Variants in AK9 observed in about 807,000 individuals in gnomAD.
AK9 encodes adenylate kinase 9.
In AK9, 191 loss-of-function variants were observed where a neutral mutation model predicts 239.6. That is an observed-to-expected ratio of 0.80 (90% confidence interval 0.71 to 0.90). The LOEUF (loss-of-function observed/expected upper bound fraction) is 0.90, where lower values mean the gene tolerates loss of function less well. AK9 is among the 40% of genes least tolerant of loss of function. AK9 has a pLI of 0.00. For missense variants in AK9, 1,995 were observed against 2,214.7 expected (o/e 0.90, Z 1.99); for synonymous variants, 689 against 721.0 (o/e 0.96, Z 0.71).
chr6:109,564,910 G>A (rs1275602544), intron 21 of AK9, 65 bp from the exon 22 acceptor site: 35 of 1,253,886 alleles, frequency 2.8e-5, no homozygotes, highest in Non-Finnish European at 3.7e-5. Flanking sequence ...TGAAAGTTTT[G>A]GCACAAAGAA....
chr6:109,506,015 C>G (rs73762764), intron 35 of AK9, among the ~76,000 whole-genome samples: 78 of 152,210 alleles, frequency 5.1e-4, no homozygotes, highest in African/African-American at 1.8e-3. Context: ...CAAGCCTCTT[C>G]TATAAGGGCA....
At chr6:109,558,700 T>C (rs1785319994) in intron 24 of AK9, among the ~76,000 whole-genome samples, 1 of 152,194 alleles carries the variant, frequency 6.6e-6, no homozygotes, top group South Asian at 2.1e-4. Flanking sequence ...TTGTTTTCAT[T>C]ATTTTAAGTA....
At position 109,564,197 on chromosome 6, in the gene AK9, T is replaced by C. The variant is rs1290391017; in HGVS notation, c.2518A>G (p.Ile840Val). Reference sequence around the variant, plus strand: ...GTTGCTTCTAGCTGTTTCCAGAGGATGATGAAAGAACCAATCTTCTCTTTA... The same window carrying C: ...GTTGCTTCTAGCTGTTTCCAGAGGACGATGAAAGAACCAATCTTCTCTTTA... ...PFKEKIGSFI[I>V]LWKQLEATIS... Residue 840 changes from isoleucine to valine, a missense_variant, in exon 23 of 41, where the codon ATC becomes GTC. Physicochemically the swap from Ile to Val is conservative, Grantham distance 29. Coordinates refer to ENST00000424296, the MANE Select transcript of AK9 (RefSeq NM_001145128.3). 6.4e-7 allele frequency: 1 copy of C among 1,551,442 alleles called. No homozygotes were observed. The highest frequency in any genetic ancestry group is 8.7e-7 in the Non-Finnish European group (1 of 1,146,870).
intron 25 of AK9, among the ~76,000 whole-genome samples, chr6:109,546,420 T>C (rs1330424547): frequency 6.6e-6 from 1 of 152,234 alleles, no homozygotes; most frequent in Non-Finnish European, 1.5e-5. Flanking sequence ...TGACAAAAGT[T>C]TTAGTTAATA....
chr6:109,569,626 AAC>A (rs1180372247), intron 21 of AK9, among the ~76,000 whole-genome samples: 1 of 152,226 alleles, frequency 6.6e-6, no homozygotes, highest in Non-Finnish European at 1.5e-5. Context: ...AAAGGATATG[AAC>A]AGACACTTCT....
Position 109,564,250 on chromosome 6 carries a change from T to G in AK9, c.2465A>C (p.Tyr822Ser). The G allele has an allele frequency of 6.4e-7, 1 of 1,550,922 alleles. No homozygotes were observed. The highest frequency in any genetic ancestry group is 1.2e-5 in the South Asian group (1 of 83,904). The change falls in exon 23 of 41, where the codon TAT becomes TCT. Residue 822 changes from tyrosine (Y) to serine (S), a missense_variant. By Grantham distance (144) the Tyr-to-Ser change is moderately radical. Coordinates refer to ENST00000424296, the MANE Select transcript of AK9 (RefSeq NM_001145128.3). ...TGGCTCCATTTCGGGAACATCAGGATAAGAGTCTTCTGGAAACTCAGGTAG... is the reference window on the plus strand; with the variant it reads ...TGGCTCCATTTCGGGAACATCAGGAGAAGAGTCTTCTGGAAACTCAGGTAG... ...VVLPEFPEDS[Y>S]PDVPEMEPFK...
intron 25 of AK9, among the ~76,000 whole-genome samples, chr6:109,547,707 AC>A (rs1349465087): frequency 2.0e-5 from 3 of 152,124 alleles, no homozygotes; most frequent in Non-Finnish European, 2.9e-5. Context: ...GATTACATTA[AC>A]CTAAAAAAAC....
intron 1 of AK9, among the ~76,000 whole-genome samples, chr6:109,686,888 T>G (rs1562618644): frequency 6.6e-6 from 1 of 152,138 alleles, no homozygotes; most frequent in Non-Finnish European, 1.5e-5. Flanking sequence ...ATGATAAAAA[T>G]GGAACAATGG....
chr6:109,639,131 T>TA (rs1430592696), intron 10 of AK9, among the ~76,000 whole-genome samples: 1 of 152,240 alleles, frequency 6.6e-6, no homozygotes, highest in Non-Finnish European at 1.5e-5. Context: ...TGTGTCCTTA[T>TA]AGTAGCCTGA....
chr6:109,602,948 T>C (rs140487700), intron 17 of AK9, among the ~76,000 whole-genome samples: 2,241 of 152,298 alleles, frequency 0.015, 59 homozygotes, highest in African/African-American at 0.051. Flanking sequence ...CTTCTCTGCA[T>C]TGGTTATTCT....
chr6:109,537,854 T>C (rs957114306), intron 27 of AK9, among the ~76,000 whole-genome samples: 25 of 152,268 alleles, frequency 1.6e-4, no homozygotes, highest in African/African-American at 6.0e-4. Context: ...GCTTTCATTT[T>C]GTTATGTACC....
In AK9 at chr6:109,528,995, A is replaced by C; in HGVS notation, c.3633+16T>G. The C allele has an allele frequency of 8.0e-7, 1 of 1,256,064 alleles. No individual in the cohort carries two copies. Among genetic ancestry groups the C allele is most frequent in the Non-Finnish European group, 1.1e-6 (1 of 915,604 alleles). 77.8% of individuals were successfully genotyped at this position (1,256,064 alleles called of 1,614,324 possible). On this transcript the variant is annotated intron_variant, in intron 29 of 40. Transcript: ENST00000424296. ...GAGTGAGACCCTGTTTTGAAAAAAAAAACAAAACTACTTACCTCCCTCCTT... is the reference window on the plus strand; with the variant it reads ...GAGTGAGACCCTGTTTTGAAAAAAACAACAAAACTACTTACCTCCCTCCTT...
chr6:109,578,847 G>GTTTTGAGTGTTCCT (rs6149744), intron 20 of AK9, among the ~76,000 whole-genome samples: 86,639 of 151,920 alleles, frequency 0.57, 26,761 homozygotes, highest in South Asian at 0.84. Context: ...TATTCGTATA[G>GTTTTGAGTGTTCCT]TTTGGAATTT....
At position 109,499,185 on chromosome 6, in the gene AK9, G is replaced by A. The variant is rs914720842; in HGVS notation, c.4905C>T (p.Arg1635=). ...GGCAGAACTGTTCAAATTCTCCCAG[G>A]CGAGAAAGCAGCTCTTGAGGTGTGA... ...LCITPQELLS[R]LGEFEQFCPV... The change falls in exon 36 of 41, where the codon CGC becomes CGT. Residue 1635 remains arginine (R), a synonymous_variant. Coordinates refer to ENST00000424296, the MANE Select transcript of AK9 (RefSeq NM_001145128.3). The A allele has an allele frequency of 3.1e-6, 5 of 1,592,474 alleles. No homozygotes were observed. The highest frequency in any genetic ancestry group is 4.3e-6 in the Non-Finnish European group (5 of 1,168,434).
intron 17 of AK9, among the ~76,000 whole-genome samples, chr6:109,603,906 C>T (rs1056188099): frequency 1.2e-4 from 18 of 152,302 alleles, no homozygotes; most frequent in African/African-American, 3.6e-4. Context: ...GTGCCATTTG[C>T]TAAGACCATT....
chr6:109,553,317 G>A (rs1431567125), intron 24 of AK9, among the ~76,000 whole-genome samples: 1 of 152,130 alleles, frequency 6.6e-6, no homozygotes, highest in African/African-American at 2.4e-5. Flanking sequence ...TCATGATATT[G>A]ATTCTTCCTA....
intron 1 of AK9, among the ~76,000 whole-genome samples, chr6:109,678,831 GCCTCACCC>G (rs1772164170): frequency 1.3e-5 from 2 of 151,960 alleles, no homozygotes; most frequent in Non-Finnish European, 2.9e-5. Flanking sequence ...GTGAGGCATC[GCCTCACCC>G]AGGGAGTGCA....
chr6:109,657,708 C>A (rs1000190194), intron 7 of AK9, among the ~76,000 whole-genome samples: 34 of 152,050 alleles, frequency 2.2e-4, no homozygotes, highest in Non-Finnish European at 4.6e-4. Context: ...CCTCCCCCTA[C>A]CCCCTGACAG....
chr6:109,572,674 T>G (rs1173179765), intron 21 of AK9, among the ~76,000 whole-genome samples: 1 of 152,218 alleles, frequency 6.6e-6, no homozygotes, highest in Non-Finnish European at 1.5e-5. Flanking sequence ...TAGTCTTGCT[T>G]CTTTTATAAG....
Sources: gnomAD v4.1 joint callset for allele counts (sites outside exome capture counted in the v4.1 genomes callset) on GRCh38, gnomAD v4.1.1 for gene constraint, MANE v1.5 for transcripts, NCBI Gene and HGNC (gene_info 2026-07-23, HGNC 2026-07-21) for gene names.